The following MCHR2 variants were observed in gnomAD, a reference collection of about 807,000 sequenced individuals.
MCHR2 encodes melanin-concentrating hormone receptor 2.
MCHR2 carries 15 observed loss-of-function variants against 24.8 expected under a neutral mutation model. The observed-to-expected ratio is 0.60, with a 90% CI of 0.40 to 0.93. The LOEUF (loss-of-function observed/expected upper bound fraction) is 0.93. MCHR2 is among the 40% of genes least tolerant of loss of function. The pLI, the probability that MCHR2 is intolerant of heterozygous loss-of-function variation, is 0.00. For missense variants in MCHR2, 386 were observed against 408.7 expected (o/e 0.94, Z 0.48); for synonymous variants, 151 against 147.6 (o/e 1.02, Z -0.17).
chr6:99,972,455 C>T (rs994530747), intron 1 of MCHR2, among the ~76,000 whole-genome samples: 12 of 151,936 alleles, frequency 7.9e-5, no homozygotes, highest in Admixed American at 1.3e-4. Context: ...TCTCTCTTTT[C>T]TTCTTTATTA....
chr6:99,963,424 T>C (rs1775235912), intron 1 of MCHR2, among the ~76,000 whole-genome samples: 1 of 152,116 alleles, frequency 6.6e-6, no homozygotes, highest in Non-Finnish European at 1.5e-5. Context: ...AAAGATACTA[T>C]ATGATTTCAT....
intron 5 of MCHR2, among the ~76,000 whole-genome samples, chr6:99,928,993 C>T (rs2114494431): frequency 6.6e-6 from 1 of 152,154 alleles, no homozygotes; most frequent in South Asian, 2.1e-4. Flanking sequence ...AAATTTCCCT[C>T]TACACTCTGC....
At chr6:99,967,968 A>G (rs1056083780) in intron 1 of MCHR2, among the ~76,000 whole-genome samples, 1 of 152,190 alleles carries the variant, frequency 6.6e-6, no homozygotes, top group Non-Finnish European at 1.5e-5. Flanking sequence ...AATCTCTCTT[A>G]GTCTCAGGTT....
intron 4 of MCHR2, among the ~76,000 whole-genome samples, chr6:99,938,927 T>A (rs1281147344): frequency 6.6e-6 from 1 of 152,102 alleles, no homozygotes; most frequent in African/African-American, 2.4e-5. Flanking sequence ...TTGACTCCTT[T>A]ATCATTATAT....
intron 5 of MCHR2, among the ~76,000 whole-genome samples, chr6:99,926,807 G>A (rs1160424327): frequency 1.3e-5 from 2 of 152,150 alleles, no homozygotes; most frequent in Non-Finnish European, 2.9e-5. Context: ...TCTGATGGTA[G>A]TTTCTTTTGC....
At chr6:99,931,394 G>C (rs1309047308) in intron 5 of MCHR2, among the ~76,000 whole-genome samples, 1 of 152,198 alleles carries the variant, frequency 6.6e-6, no homozygotes, top group African/African-American at 2.4e-5. Context: ...ATTTAAGTCT[G>C]CAGAGGTTAC....
At chr6:99,923,837 A>G in intron 5 of MCHR2, among the ~76,000 whole-genome samples, 1 of 151,930 alleles carries the variant, frequency 6.6e-6, no homozygotes, top group East Asian at 1.9e-4. Flanking sequence ...TTTGTTGTGA[A>G]TTTTTGCATG....
intron 4 of MCHR2, among the ~76,000 whole-genome samples, chr6:99,939,768 T>C (rs1208060018): frequency 6.6e-6 from 1 of 151,670 alleles, no homozygotes; most frequent in African/African-American, 2.4e-5. Flanking sequence ...AAGACAGATC[T>C]GGTGGTGGTA....
rs1395929411 is a variant in MCHR2 at position 99,942,981 on chromosome 6, A to G, written c.555T>C (p.Ala185=). The change falls in exon 4 of 6, where the codon GCT becomes GCC. Residue 185 remains alanine (A), a synonymous_variant. Coordinates refer to ENST00000281806, the MANE Select transcript of MCHR2 (RefSeq NM_001040179.2). Reference sequence around the variant, plus strand: ...CATCGTCAGGGGATGTCAAATCAAAAGCACAACTCTCAACACCGTCTTTAA... The same window carrying G: ...CATCGTCAGGGGATGTCAAATCAAAGGCACAACTCTCAACACCGTCTTTAA... ...IKFKDGVESC[A]FDLTSPDDVL... is the part of the protein sequence containing the mutation. 6.2e-7 allele frequency: 1 copy of G among 1,612,180 alleles called. No homozygotes were observed. The highest frequency in any genetic ancestry group is 8.5e-7 in the Non-Finnish European group (1 of 1,178,980).
At chr6:99,965,802 T>C (rs1404475892) in intron 1 of MCHR2, among the ~76,000 whole-genome samples, 1 of 152,152 alleles carries the variant, frequency 6.6e-6, no homozygotes, top group Non-Finnish European at 1.5e-5. Flanking sequence ...CTTTTTCCAA[T>C]GAATTATGTA....
At chr6:99,925,158 C>T (rs1021461331) in intron 5 of MCHR2, among the ~76,000 whole-genome samples, 1 of 151,936 alleles carries the variant, frequency 6.6e-6, no homozygotes, top group Non-Finnish European at 1.5e-5. Flanking sequence ...ATATGGTGAT[C>T]TTCTTTGTCT....
chr6:99,975,061 C>T (rs1243763010), intron 1 of MCHR2, among the ~76,000 whole-genome samples: 1 of 152,230 alleles, frequency 6.6e-6, no homozygotes, highest in Non-Finnish European at 1.5e-5. Context: ...TCTCAGATCT[C>T]CAGCTGCATG....
At chr6:99,972,170 A>G (rs538300190) in intron 1 of MCHR2, among the ~76,000 whole-genome samples, 5 of 149,966 alleles carry the variant, frequency 3.3e-5, no homozygotes, top group African/African-American at 1.2e-4. Context: ...GGTAGAATTC[A>G]GCTGTGAATC....
At chr6:99,960,996 A>G (rs1353284226) in intron 1 of MCHR2, among the ~76,000 whole-genome samples, 1 of 152,178 alleles carries the variant, frequency 6.6e-6, no homozygotes, top group East Asian at 1.9e-4. Flanking sequence ...TAATTAAACT[A>G]AAGAGCTTCT....
intron 1 of MCHR2, among the ~76,000 whole-genome samples, chr6:99,970,353 ATCT>A (rs1455749703): frequency 6.6e-6 from 1 of 151,974 alleles, no homozygotes; most frequent in African/African-American, 2.4e-5. Flanking sequence ...CTGCATAAAT[ATCT>A]TCTTTTGAGA....
At chr6:99,952,553 A>G (rs1017120710) in intron 2 of MCHR2, among the ~76,000 whole-genome samples, 2 of 144,562 alleles carry the variant, frequency 1.4e-5, no homozygotes, top group Non-Finnish European at 3.1e-5. Flanking sequence ...TCTCCTTATC[A>G]TTACTGTAGT....
intron 5 of MCHR2, among the ~76,000 whole-genome samples, chr6:99,934,182 A>T: frequency 6.6e-6 from 1 of 152,116 alleles, no homozygotes; most frequent in Admixed American, 6.6e-5. Context: ...TAATGAAACC[A>T]TTACATCTGT....
intron 3 of MCHR2, among the ~76,000 whole-genome samples, chr6:99,947,012 C>A (rs556215152): frequency 6.6e-6 from 1 of 152,216 alleles, no homozygotes; most frequent in African/African-American, 2.4e-5. Context: ...TCTCTAGAGT[C>A]AGATGGCTTG....
At chr6:99,985,629 G>A (rs1387036635) in intron 1 of MCHR2, among the ~76,000 whole-genome samples, 1 of 152,156 alleles carries the variant, frequency 6.6e-6, no homozygotes, top group Non-Finnish European at 1.5e-5. Context: ...GTCATATGCA[G>A]AAGAATGGAA....
Sources: gnomAD v4.1 joint callset for allele counts (sites outside exome capture counted in the v4.1 genomes callset) on GRCh38, gnomAD v4.1.1 for gene constraint, MANE v1.5 for transcripts, NCBI Gene and HGNC (gene_info 2026-07-23, HGNC 2026-07-21) for gene names.